AHI1: variants seen among roughly 807,000 people sequenced by gnomAD.
AHI1 encodes Abelson helper integration site 1, also known as jouberin.
In AHI1, 123 loss-of-function variants were observed where a neutral mutation model predicts 149.3. The observed-to-expected ratio is 0.82, with a 90% CI of 0.71 to 0.96. AHI1 has a LOEUF of 0.96. AHI1 is among the 40% of genes least tolerant of loss of function. The pLI is 0.00. For missense variants in AHI1, 1,439 were observed against 1,422.7 expected (o/e 1.01, Z -0.18); for synonymous variants, 475 against 459.8 (o/e 1.03, Z -0.42).
intron 24 of AHI1, among the ~76,000 whole-genome samples, chr6:135,352,701 G>A (rs866803048): frequency 7.7e-6 from 1 of 129,434 alleles, no homozygotes; most frequent in East Asian, 2.1e-4. Context: ...CATTGTGTGT[G>A]TATATATATA....
rs1214494417 is a variant in AHI1, at chr6:135,346,251, G to A, written c.3165+11881C>T. On this transcript the variant is annotated intron_variant, in intron 24 of 28. Coordinates refer to ENST00000265602, the MANE Select transcript of AHI1 (RefSeq NM_001134831.2). ...ACTTTGTTGCCCAGGCTGGAGTGCA[G>A]TGGCGCGATCTTGGCTCACTGCAAG... Among the ~76,000 whole-genome samples the A allele has an allele frequency of 2.6e-5, 4 of 152,160 alleles. 1 individual carries two copies. Among genetic ancestry groups the A allele is most frequent in the Admixed American group, 2.0e-4 (3 of 15,274 alleles).
chr6:135,409,499 G>GT (rs1267812758), intron 21 of AHI1, among the ~76,000 whole-genome samples: 9 of 152,216 alleles, frequency 5.9e-5, no homozygotes, highest in Non-Finnish European at 7.4e-5. Context: ...TAAATGGACT[G>GT]TATTTTTCAG....
At chr6:135,481,564 A>T (rs992807663) in intron 5 of AHI1, among the ~76,000 whole-genome samples, 1 of 152,038 alleles carries the variant, frequency 6.6e-6, no homozygotes, top group Non-Finnish European at 1.5e-5. Context: ...AAATCCTATT[A>T]AAAAAACCTA....
intron 23 of AHI1, among the ~76,000 whole-genome samples, chr6:135,377,424 G>A (rs1776106957): frequency 6.6e-6 from 1 of 152,040 alleles, no homozygotes; most frequent in Non-Finnish European, 1.5e-5. Flanking sequence ...TTTGAACACT[G>A]TAAAATATTC....
intron 23 of AHI1, chr6:135,387,992 T>C: frequency 6.2e-7 from 1 of 1,613,796 alleles, no homozygotes; most frequent in Non-Finnish European, 8.5e-7. Flanking sequence ...TAGTGCTTTT[T>C]CCACCATAAT....
In AHI1 at chr6:135,442,394, C is replaced by T. The variant is rs142198856; in HGVS notation, c.1912+188G>A. Among the ~76,000 whole-genome samples, 8 of 152,128 alleles carry T rather than the reference C, an allele frequency of 5.3e-5. No homozygotes were observed. In the East Asian group the frequency reaches 7.7e-4, roughly 15 times the overall value. On this transcript the variant is annotated intron_variant, in intron 14 of 28. Coordinates refer to ENST00000265602, the MANE Select transcript of AHI1 (RefSeq NM_001134831.2). Reference sequence around the variant, plus strand: ...CATTTGATCAATCTCATTCTACTTACGAACAGTTACTGTATAGAAAAGTGT... The same window carrying T: ...CATTTGATCAATCTCATTCTACTTATGAACAGTTACTGTATAGAAAAGTGT...
At chr6:135,327,168 G>C (rs577055638) in intron 24 of AHI1, among the ~76,000 whole-genome samples, 2 of 152,172 alleles carry the variant, frequency 1.3e-5, no homozygotes, top group African/African-American at 4.8e-5. Context: ...GTGGTATTTT[G>C]TTAGGGCAGC....
chr6:135,418,065 T>C lies in AHI1; in HGVS notation c.2765-6521A>G, dbSNP rs1457949215. 2.6e-5 allele frequency among the ~76,000 whole-genome samples: 4 copies of C among 152,174 alleles called. No individual in the cohort carries two copies. The East Asian group carries it at 7.7e-4, about 29-fold the overall frequency. ...TTTTGTCATTACTTTTTGTGTTAAT[T>C]TAACTTTGCATATTTAAAATTTAGC... On this transcript the variant is annotated intron_variant, in intron 20 of 28. Coordinates refer to ENST00000265602, the MANE Select transcript of AHI1 (RefSeq NM_001134831.2).
At chr6:135,291,358 G>A (rs912142834) in intron 27 of AHI1, among the ~76,000 whole-genome samples, 2 of 152,162 alleles carry the variant, frequency 1.3e-5, no homozygotes, top group African/African-American at 4.8e-5. Context: ...TGGAGACAGG[G>A]GCTTCTAGGG....
At chr6:135,301,713 C>T (rs1315138360) in intron 26 of AHI1, 1 of 985,288 alleles carries the variant, frequency 1.0e-6, no homozygotes, top group African/African-American at 1.7e-5. Flanking sequence ...ACAGGTGACC[C>T]ATTTGGTAGA....
rs549223311 is a variant in AHI1 at position 135,336,498 on chromosome 6, T to A, written c.3166-13174A>T. Among the ~76,000 whole-genome samples, 5 of 152,134 alleles carry A rather than the reference T, an allele frequency of 3.3e-5. No individual in the cohort carries two copies. In the East Asian group the frequency reaches 9.6e-4, roughly 29 times the overall value. On this transcript the variant is annotated intron_variant, in intron 24 of 28. Transcript: ENST00000265602. ...CTGTAGTCCCAGCTACTTGGGAGGCTGAGGCAGGAGGATAGCTTGAGCCCT... is the reference window on the plus strand; with the variant it reads ...CTGTAGTCCCAGCTACTTGGGAGGCAGAGGCAGGAGGATAGCTTGAGCCCT...
intron 20 of AHI1, among the ~76,000 whole-genome samples, chr6:135,414,448 A>C (rs1279352472): frequency 6.6e-6 from 1 of 152,220 alleles, no homozygotes; most frequent in Non-Finnish European, 1.5e-5. Flanking sequence ...TTTGAACTTC[A>C]TCAAAATCTC....
At chr6:135,345,236 G>T (rs1440366737) in intron 24 of AHI1, among the ~76,000 whole-genome samples, 1 of 152,156 alleles carries the variant, frequency 6.6e-6, no homozygotes, top group Non-Finnish European at 1.5e-5. Flanking sequence ...TCGTAAAGTG[G>T]TTCAGTTGCT....
At chr6:135,294,257 C>T (rs1447625456) in intron 27 of AHI1, among the ~76,000 whole-genome samples, 6 of 151,968 alleles carry the variant, frequency 3.9e-5, no homozygotes, top group East Asian at 1.9e-4. Flanking sequence ...ACCCGGGAGG[C>T]GGAGGTTGTA....
chr6:135,430,337 A>C (rs1784476202), intron 17 of AHI1, among the ~76,000 whole-genome samples: 1 of 151,958 alleles, frequency 6.6e-6, no homozygotes, highest in Admixed American at 6.6e-5. Flanking sequence ...ATCATGTAAG[A>C]AGCTTCCAAT....
At chr6:135,466,914 C>T (rs1197881089) in intron 6 of AHI1, among the ~76,000 whole-genome samples, 1 of 152,136 alleles carries the variant, frequency 6.6e-6, no homozygotes, top group Non-Finnish European at 1.5e-5. Context: ...ACAGACTAAG[C>T]ACAATCTTGT....
intron 24 of AHI1, among the ~76,000 whole-genome samples, chr6:135,325,293 C>T (rs1279100658): frequency 6.6e-6 from 1 of 152,158 alleles, no homozygotes; most frequent in Non-Finnish European, 1.5e-5. Flanking sequence ...TCCCAAAGTG[C>T]TGGGATTACA....
intron 8 of AHI1, among the ~76,000 whole-genome samples, chr6:135,462,436 G>C (rs946638631): frequency 3.3e-5 from 5 of 151,384 alleles, no homozygotes; most frequent in Admixed American, 2.6e-4. Flanking sequence ...TGGACAGGAT[G>C]CAGCCTTAAC....
chr6:135,307,669 A>G (rs73559903), intron 26 of AHI1, among the ~76,000 whole-genome samples: 4,547 of 151,426 alleles, frequency 0.03, 236 homozygotes, highest in African/African-American at 0.1. Flanking sequence ...TTTTTCCTTT[A>G]ATTACAATAT....
Sources: gnomAD v4.1 joint callset for allele counts (sites outside exome capture counted in the v4.1 genomes callset) on GRCh38, gnomAD v4.1.1 for gene constraint, MANE v1.5 for transcripts, NCBI Gene and HGNC (gene_info 2026-07-23, HGNC 2026-07-21) for gene names.